HSD17B3: variants seen among roughly 807,000 people sequenced by gnomAD.
HSD17B3 encodes 17-beta-hydroxysteroid dehydrogenase type 3.
Under a neutral mutation model 41.1 loss-of-function variants are expected in HSD17B3, and 29 were observed. The observed-to-expected ratio is 0.71, with a 90% CI of 0.53 to 0.96. The LOEUF (loss-of-function observed/expected upper bound fraction) is 0.96, where lower values mean the gene tolerates loss of function less well. HSD17B3 is among the 40% of genes least tolerant of loss of function. The pLI is 0.00. For missense variants in HSD17B3, 323 were observed against 374.6 expected (o/e 0.86, Z 1.14); for synonymous variants, 126 against 145.6 (o/e 0.87, Z 0.97).
intron 1 of HSD17B3, among the ~76,000 whole-genome samples, chr9:96,301,410 C>T (rs1320034491): frequency 2.4e-5 from 2 of 83,070 alleles, no homozygotes; most frequent in Admixed American, 2.1e-4. Flanking sequence ...AACCCTGTCT[C>T]TACTAAAAAT....
chr9:96,242,421 C>T (rs904176848), intron 9 of HSD17B3, among the ~76,000 whole-genome samples: 3 of 152,118 alleles, frequency 2.0e-5, no homozygotes, highest in Admixed American at 1.3e-4. Context: ...GCATTATAAG[C>T]CCCTTTTTAT....
Position 96,235,371 on chromosome 9 carries a change from A to T in HSD17B3, c.*89T>A. Reference sequence around the variant, plus strand: ...CAGCCCCCTCCATCTTCAGCGGACTAGGTTGAAGTGCTGGTCTGCTCCTCT... The same window carrying T: ...CAGCCCCCTCCATCTTCAGCGGACTTGGTTGAAGTGCTGGTCTGCTCCTCT... On this transcript the variant is annotated 3_prime_UTR_variant, in exon 11 of 11. Transcript: ENST00000375263. 1.1e-6 allele frequency: 1 copy of T among 871,038 alleles called. No homozygotes were observed. The highest frequency in any genetic ancestry group is 1.9e-6 in the Non-Finnish European group (1 of 524,292). The allele number at this position is 871,038 out of a possible 1,614,324, so 54.0% of individuals were successfully genotyped here.
intron 2 of HSD17B3, among the ~76,000 whole-genome samples, chr9:96,266,551 T>G (rs1196852607): frequency 6.6e-6 from 1 of 152,162 alleles, no homozygotes; most frequent in Non-Finnish European, 1.5e-5. Context: ...ATTACAGGCA[T>G]GAGCCACTGT....
At chr9:96,273,662 C>G (rs181355242) in intron 2 of HSD17B3, among the ~76,000 whole-genome samples, 7 of 152,310 alleles carry the variant, frequency 4.6e-5, no homozygotes, top group African/African-American at 1.7e-4. Context: ...ACTGTACCCT[C>G]AACTCTGACA....
chr9:96,292,350 T>C (rs1229525271), intron 2 of HSD17B3, among the ~76,000 whole-genome samples: 1 of 152,158 alleles, frequency 6.6e-6, no homozygotes, highest in African/African-American at 2.4e-5. Context: ...ATGAAAGTTT[T>C]TGAAATTTGT....
chr9:96,243,988 G>A (rs1047882170), intron 9 of HSD17B3, among the ~76,000 whole-genome samples: 1 of 152,224 alleles, frequency 6.6e-6, no homozygotes, highest in African/African-American at 2.4e-5. Context: ...CAGGGTCAGA[G>A]AGGAAAAGCC....
At chr9:96,263,687 C>T (rs1825946282) in intron 2 of HSD17B3, among the ~76,000 whole-genome samples, 1 of 151,852 alleles carries the variant, frequency 6.6e-6, no homozygotes, top group South Asian at 2.1e-4. Flanking sequence ...AGAGATTGTG[C>T]CACTGCACTC....
chr9:96,293,311 C>T (rs537644491), intron 2 of HSD17B3, among the ~76,000 whole-genome samples: 2 of 152,154 alleles, frequency 1.3e-5, no homozygotes, highest in South Asian at 4.2e-4. Flanking sequence ...GAGGGTGGGC[C>T]TCGTCTCGTC....
intron 10 of HSD17B3, among the ~76,000 whole-genome samples, chr9:96,237,582 T>G (rs1836281652): frequency 6.6e-6 from 1 of 152,216 alleles, no homozygotes; most frequent in Admixed American, 6.5e-5. Context: ...GGGCGTGCTA[T>G]CTTTGCCTGG....
intron 9 of HSD17B3, among the ~76,000 whole-genome samples, chr9:96,241,787 TAGTC>T (rs1427403203): frequency 1.3e-5 from 2 of 151,684 alleles, no homozygotes; most frequent in East Asian, 3.9e-4. Context: ...ATAGAAAAAT[TAGTC>T]AGGCACGGTG....
chr9:96,287,709 CTAAATAAATAAA>C (rs201845606), intron 2 of HSD17B3, among the ~76,000 whole-genome samples: 3 of 151,330 alleles, frequency 2.0e-5, no homozygotes, highest in Admixed American at 6.6e-5. Flanking sequence ...GACTCCGTCT[CTAAATAAATAAA>C]TAAATAAATA....
At chr9:96,290,727 G>A (rs1272803319) in intron 2 of HSD17B3, among the ~76,000 whole-genome samples, 5 of 151,806 alleles carry the variant, frequency 3.3e-5, no homozygotes, top group South Asian at 2.1e-4. Flanking sequence ...CCAGCTACTC[G>A]GGAGGCTGAG....
intron 2 of HSD17B3, among the ~76,000 whole-genome samples, chr9:96,288,166 T>G (rs1262796726): frequency 6.6e-6 from 1 of 152,220 alleles, no homozygotes; most frequent in Non-Finnish European, 1.5e-5. Flanking sequence ...CTGATCTTAC[T>G]CGAGTGATGG....
intron 2 of HSD17B3, among the ~76,000 whole-genome samples, chr9:96,284,834 A>C (rs1461101583): frequency 8.5e-6 from 1 of 117,876 alleles, no homozygotes; most frequent in Non-Finnish European, 1.7e-5. Context: ...GAGTTTCATC[A>C]AAGCCAATTT....
At position 96,280,190 on chromosome 9, in the gene HSD17B3, G is replaced by A. The variant is rs549576148; in HGVS notation, c.201+18226C>T. Among the ~76,000 whole-genome samples the A allele has an allele frequency of 3.3e-5, 5 of 152,332 alleles. No individual in the cohort carries two copies. In the South Asian group the frequency reaches 1.0e-3, roughly 32 times the overall value. ...ACCCATCTCCATCATGGCCTGAACT[G>A]GTTTTTCAGGTTAACTTAGGAATGC... On this transcript the variant is annotated intron_variant, in intron 2 of 10. Coordinates refer to ENST00000375263, the MANE Select transcript of HSD17B3 (RefSeq NM_000197.2).
At chr9:96,249,229 C>T (rs936640124) in intron 6 of HSD17B3, among the ~76,000 whole-genome samples, 2 of 152,130 alleles carry the variant, frequency 1.3e-5, no homozygotes, top group African/African-American at 4.8e-5. Context: ...ATAGCAGATG[C>T]AGAACGTTAA....
chr9:96,242,400 G>A (rs900035466), intron 9 of HSD17B3, among the ~76,000 whole-genome samples: 1 of 152,190 alleles, frequency 6.6e-6, no homozygotes, highest in African/African-American at 2.4e-5. Flanking sequence ...ATAACCCAGA[G>A]ATATAAGCAG....
intron 2 of HSD17B3, among the ~76,000 whole-genome samples, chr9:96,263,065 C>T (rs2130747662): frequency 2.0e-5 from 3 of 152,292 alleles, no homozygotes; most frequent in Admixed American, 2.0e-4. Context: ...ACAAACTAGC[C>T]CCAAGTCTCA....
At chr9:96,281,080 G>T (rs929241100) in intron 2 of HSD17B3, among the ~76,000 whole-genome samples, 1 of 152,026 alleles carries the variant, frequency 6.6e-6, no homozygotes, top group Non-Finnish European at 1.5e-5. Context: ...TCACTTTATG[G>T]ACTCACCCTG....
Sources: allele counts gnomAD v4.1 joint callset (sites outside exome capture counted in the v4.1 genomes callset), GRCh38; gene constraint gnomAD v4.1.1; transcripts MANE v1.5; gene names NCBI Gene and HGNC (gene_info 2026-07-23, HGNC 2026-07-21).